LRMDA: variants seen among roughly 807,000 people sequenced by gnomAD.
The protein encoded by LRMDA is leucine rich melanocyte differentiation associated.
In LRMDA, 18 loss-of-function variants were observed where a neutral mutation model predicts 29.8. That is an observed-to-expected ratio of 0.60 (90% CI 0.42 to 0.90). The LOEUF is 0.90. Among genes scored for constraint, LRMDA ranks in the 40% least tolerant of loss-of-function variants. LRMDA has a pLI of 0.00. For missense variants in LRMDA, 273 were observed against 273.9 expected (o/e 1.00, Z 0.02); for synonymous variants, 125 against 109.4 (o/e 1.14, Z -0.89).
intron 2 of LRMDA, among the ~76,000 whole-genome samples, chr10:75,851,534 C>T (rs1468391173): frequency 1.3e-5 from 2 of 152,128 alleles, no homozygotes; most frequent in East Asian, 1.9e-4. Context: ...TTGTGGAAGG[C>T]CCCAAACTCT....
chr10:76,011,388 A>G (rs1847775457), intron 2 of LRMDA, among the ~76,000 whole-genome samples: 1 of 152,198 alleles, frequency 6.6e-6, no homozygotes, highest in Admixed American at 6.5e-5. Context: ...GAATGCCAGG[A>G]TGAGGGGTGT....
At chr10:75,911,482 G>A (rs1044217358) in intron 2 of LRMDA, among the ~76,000 whole-genome samples, 6 of 152,140 alleles carry the variant, frequency 3.9e-5, no homozygotes, top group Non-Finnish European at 5.9e-5. Flanking sequence ...TTCCTGGGTC[G>A]TTCTCTGGAT....
chr10:75,866,670 G>T (rs1845025436), intron 2 of LRMDA, among the ~76,000 whole-genome samples: 1 of 152,178 alleles, frequency 6.6e-6, no homozygotes. Context: ...TGAGGATCTT[G>T]TTTCTGGTGA....
chr10:75,771,430 G>A (rs1843239756), intron 2 of LRMDA, among the ~76,000 whole-genome samples: 1 of 152,186 alleles, frequency 6.6e-6, no homozygotes, highest in South Asian at 2.1e-4. Flanking sequence ...AATCAGAATG[G>A]AAAGACCTGG....
intron 2 of LRMDA, among the ~76,000 whole-genome samples, chr10:75,845,470 C>T (rs1844617151): frequency 6.6e-6 from 1 of 152,176 alleles, no homozygotes; most frequent in African/African-American, 2.4e-5. Flanking sequence ...TCCTGTGTTT[C>T]CCTGGCTTCT....
At chr10:75,555,371 C>A (rs1840201220) in intron 2 of LRMDA, among the ~76,000 whole-genome samples, 1 of 152,056 alleles carries the variant, frequency 6.6e-6, no homozygotes, top group Non-Finnish European at 1.5e-5. Flanking sequence ...GCTTGGATAA[C>A]CAGAGACTAG....
At chr10:76,341,891 G>A (rs1316917889) in intron 6 of LRMDA, among the ~76,000 whole-genome samples, 2 of 152,110 alleles carry the variant, frequency 1.3e-5, no homozygotes, top group Non-Finnish European at 2.9e-5. Flanking sequence ...TATGACCTCA[G>A]AAGTCATACA....
In LRMDA at chr10:76,043,553, A is replaced by T. The variant is rs549812924; in HGVS notation, c.259-3611A>T. 3.4e-3 allele frequency among the ~76,000 whole-genome samples: 198 copies of T among 58,656 alleles called. 1 individual carries two copies. Among genetic ancestry groups the T allele is most frequent in the South Asian group, 0.025 (59 of 2,326 alleles). 38.5% of individuals were successfully genotyped at this position (58,656 alleles called of 152,430 possible). On this transcript the variant is annotated intron_variant, in intron 3 of 6. Transcript: ENST00000611255. ...TGTAAATTACCTACTTTTTCAAATT[A>T]AAAAAAAAAAAAATCACATGATCAT...
intron 2 of LRMDA, chr10:75,883,558 TATC>T (rs1325928382): frequency 6.6e-6 from 1 of 152,120 alleles, no homozygotes; most frequent in Non-Finnish European, 1.5e-5. Context: ...GCAAAGCAAT[TATC>T]ATTTCCTTTC....
intron 2 of LRMDA, among the ~76,000 whole-genome samples, chr10:75,755,067 TG>T (rs1360190018): frequency 6.6e-6 from 1 of 152,172 alleles, no homozygotes; most frequent in Non-Finnish European, 1.5e-5. Context: ...TGTTTTGTTT[TG>T]TTTTTTTAAA....
intron 2 of LRMDA, among the ~76,000 whole-genome samples, chr10:75,972,879 GC>G (rs963538696): frequency 2.6e-5 from 4 of 152,172 alleles, no homozygotes; most frequent in Non-Finnish European, 5.9e-5. Context: ...AGGGGCTGGG[GC>G]TGGGGCTGGG....
At chr10:76,459,136 C>T (rs1479332929) in intron 6 of LRMDA, among the ~76,000 whole-genome samples, 3 of 152,104 alleles carry the variant, frequency 2.0e-5, no homozygotes, top group Non-Finnish European at 2.9e-5. Context: ...TTGCATGAAG[C>T]TTAACAGATC....
intron 2 of LRMDA, among the ~76,000 whole-genome samples, chr10:75,857,427 C>T (rs1306242028): frequency 2.6e-5 from 4 of 152,154 alleles, no homozygotes; most frequent in African/African-American, 9.7e-5. Flanking sequence ...GAAAACCTCT[C>T]CCCCTAAGGC....
intron 6 of LRMDA, among the ~76,000 whole-genome samples, chr10:76,480,515 A>AT (rs1215111074): frequency 1.3e-5 from 2 of 151,888 alleles, no homozygotes; most frequent in African/African-American, 4.8e-5. Flanking sequence ...TAGGTTTAAT[A>AT]TTTTTTCTGT....
intron 2 of LRMDA, among the ~76,000 whole-genome samples, chr10:75,985,164 G>A (rs1426327971): frequency 2.6e-5 from 4 of 152,006 alleles, no homozygotes; most frequent in Non-Finnish European, 4.4e-5. Context: ...TCTGAGAAAC[G>A]ATGGAAATGG....
rs996727613 is a variant in LRMDA at position 75,844,651 on chromosome 10, A to G, written c.132-191357A>G. ...TGCATATAACCTATGCAAATCAATAAAAACATGTCAAGACCCCTTAGGTCG... is the reference window on the plus strand; with the variant it reads ...TGCATATAACCTATGCAAATCAATAGAAACATGTCAAGACCCCTTAGGTCG... On this transcript the variant is annotated intron_variant, in intron 2 of 6. Transcript: ENST00000611255. Among the ~76,000 whole-genome samples the G allele has an allele frequency of 5.3e-5, 8 of 152,276 alleles. No homozygotes were observed. In the East Asian group the frequency reaches 1.4e-3, roughly 26 times the overall value.
chr10:76,070,737 G>C (rs373560789), intron 5 of LRMDA, among the ~76,000 whole-genome samples: 3 of 62,862 alleles, frequency 4.8e-5, no homozygotes, highest in African/African-American at 1.3e-4. Flanking sequence ...CTACTTCCTA[G>C]TAAGAGTAAA....
intron 6 of LRMDA, among the ~76,000 whole-genome samples, chr10:76,357,575 T>TTTTGG (rs1350924636): frequency 1.3e-5 from 2 of 152,226 alleles, no homozygotes; most frequent in African/African-American, 4.8e-5. Context: ...CAAGGCACTC[T>TTTTGG]ATATTGTTTG....
chr10:76,517,310 A>C (rs1454729154), intron 6 of LRMDA, among the ~76,000 whole-genome samples: 2 of 152,212 alleles, frequency 1.3e-5, no homozygotes. Flanking sequence ...AAAACTGCAG[A>C]GCACCAAAAA....
Sources: allele counts gnomAD v4.1 joint callset (sites outside exome capture counted in the v4.1 genomes callset), GRCh38; gene constraint gnomAD v4.1.1; transcripts MANE v1.5; gene names NCBI Gene and HGNC (gene_info 2026-07-23, HGNC 2026-07-21).